The following USP5 variants were observed in gnomAD, a reference collection of about 807,000 sequenced individuals.
USP5 encodes ubiquitin carboxyl-terminal hydrolase 5.
Under a neutral mutation model 102.5 loss-of-function variants are expected in USP5, and 24 were observed. That is an observed-to-expected ratio of 0.23 (90% CI 0.17 to 0.33). The LOEUF (loss-of-function observed/expected upper bound fraction) is 0.33, where lower values mean the gene tolerates loss of function less well. USP5 is among the 10% of genes least tolerant of loss of function. USP5 has a pLI of 1.00. For missense variants in USP5, 753 were observed against 1,122.1 expected (o/e 0.67, Z 4.70); for synonymous variants, 460 against 434.8 (o/e 1.06, Z -0.72).
In USP5 at chr12:6,863,858, C is replaced by T. The variant is rs370840242; in HGVS notation, c.1983C>T (p.Ile661=). 7 of 1,607,244 alleles carry T rather than the reference C, an allele frequency of 4.4e-6. No homozygotes were observed. In the African/African-American group the frequency reaches 8.0e-5, roughly 18 times the overall value. ...TSPMLDESVI[I]QLVEMGFPMD... The stretch of plus-strand genomic sequence containing the variant: ...CCATGCTGGATGAATCAGTCATCAT[C>T]CAGCTGGTGGAGATGGGATTCCCTA... Residue 661 remains isoleucine, a synonymous_variant, in exon 16 of 20, where the codon ATC becomes ATT. Coordinates refer to ENST00000229268, the MANE Select transcript of USP5 (RefSeq NM_001098536.2). The surrounding 1 kb of genome is among the most constrained non-coding windows in gnomAD (Gnocchi z 4.7).
intron 1 of USP5, among the ~76,000 whole-genome samples, chr12:6,854,518 G>T (rs1232341354): frequency 9.2e-5 from 14 of 151,966 alleles, no homozygotes; most frequent in African/African-American, 3.4e-4. Context: ...ACTTTGGGAG[G>T]CCAAGGTGGA....
In USP5 at chr12:6,866,132, G is replaced by A; in HGVS notation, c.*55G>A. The A allele has an allele frequency of 1.3e-6, 2 of 1,495,800 alleles. No homozygotes were observed. The highest frequency in any genetic ancestry group is 1.1e-5 in the South Asian group (1 of 88,670). 92.7% of individuals were successfully genotyped at this position (1,495,800 alleles called of 1,614,324 possible). ...CAGGGGAAGACCACCTGGCATGAGG[G>A]AGAGGGGCTGAGGGATGGACTTCAG... On this transcript the variant is annotated 3_prime_UTR_variant, in exon 20 of 20. Coordinates refer to ENST00000229268, the MANE Select transcript of USP5 (RefSeq NM_001098536.2). This position sits in a 1 kb window ranked among gnomAD's most constrained non-coding sequence, Gnocchi z 4.7.
chr12:6,865,341 G>A, intron 19 of USP5, 93 bp downstream of exon 19: 3 of 1,165,846 alleles, frequency 2.6e-6, no homozygotes, highest in African/African-American at 1.5e-5. Flanking sequence ...GGGAGAAGGT[G>A]AAGGGACTGC....
At position 6,858,573 on chromosome 12, in the gene USP5, C is replaced by T; in HGVS notation, c.1014C>T (p.Asn338=). The change falls in exon 8 of 20, where the codon AAC becomes AAT. Residue 338 remains asparagine (N), a synonymous_variant. Coordinates refer to ENST00000229268, the MANE Select transcript of USP5 (RefSeq NM_001098536.2). The surrounding 1 kb of genome is among the most constrained non-coding windows in gnomAD (Gnocchi z 4.2). ...IRNLGNSCYL[N]SVVQVLFSIP... Reference sequence around the variant, plus strand: ...ACCTGGGTAACAGCTGCTACCTCAACTCTGTGGTCCAGGTGCTCTTCAGCA... The same window carrying T: ...ACCTGGGTAACAGCTGCTACCTCAATTCTGTGGTCCAGGTGCTCTTCAGCA... The T allele has an allele frequency of 6.2e-7, 1 of 1,613,126 alleles. No homozygotes were observed. The highest frequency in any genetic ancestry group is 8.5e-7 in the Non-Finnish European group (1 of 1,179,102).
In USP5 at chr12:6,852,160, G is replaced by C. The variant is rs1161530594; in HGVS notation, c.-20G>C. The C allele has an allele frequency of 1.9e-6, 3 of 1,602,062 alleles. No homozygotes were observed. Among genetic ancestry groups the C allele is most frequent in the Non-Finnish European group, 2.6e-6 (3 of 1,174,988 alleles). ...GGAACGGTGGGAGCCGCCGTGTGTG[G>C]AGAAGCTGCTGCCGGTGTCATGGCG... On this transcript the variant is annotated 5_prime_UTR_variant, in exon 1 of 20. Coordinates refer to ENST00000229268, the MANE Select transcript of USP5 (RefSeq NM_001098536.2).
Position 6,856,042 on chromosome 12 carries a change from CGAG to C in USP5, c.334_336del (p.Glu112del), listed in dbSNP as rs1555128150. ...GTGTTGAAGGCGGATTTGACCTTAG[CGAG>C]GAGAAGTTTGAATTAGACGAGGATG... is the stretch of plus-strand genomic sequence containing the variant. On this transcript the variant is annotated inframe_deletion, in exon 4 of 20. Transcript: ENST00000229268. This position sits in a 1 kb window ranked among gnomAD's most constrained non-coding sequence, Gnocchi z 5.6. The C allele has an allele frequency of 3.1e-6, 5 of 1,614,086 alleles. No homozygotes were observed. The highest frequency in any genetic ancestry group is 1.7e-6 in the Non-Finnish European group (2 of 1,180,026).
In USP5 at chr12:6,856,611, C is replaced by T; in HGVS notation, c.585-96C>T. The T allele has an allele frequency of 6.4e-7, 1 of 1,557,936 alleles. No homozygotes were observed. The highest frequency in any genetic ancestry group is 8.7e-7 in the Non-Finnish European group (1 of 1,152,544). On this transcript the variant is annotated intron_variant, in intron 5 of 19. Transcript: ENST00000229268. This position sits in a 1 kb window ranked among gnomAD's most constrained non-coding sequence, Gnocchi z 5.6. ...ATGGCCAGAGGAGAAGAGAGAGAGACCTTGGATTGGCGGGGGGCCTGCAGA... is the reference window on the plus strand; with the variant it reads ...ATGGCCAGAGGAGAAGAGAGAGAGATCTTGGATTGGCGGGGGGCCTGCAGA...
chr12:6,860,933 A>G lies in USP5; in HGVS notation c.1345-20A>G, dbSNP rs782400940. 1 of 1,612,610 alleles carries G rather than the reference A, an allele frequency of 6.2e-7. No individual in the cohort carries two copies. Among genetic ancestry groups the G allele is most frequent in the Non-Finnish European group, 8.5e-7 (1 of 1,179,664 alleles). On this transcript the variant is annotated intron_variant, in intron 11 of 19. Transcript: ENST00000229268. The surrounding 1 kb of genome is among the most constrained non-coding windows in gnomAD (Gnocchi z 5.5). ...GTTCCCTGGCTGCCCAGACCTCCCTACCCTGCCTCTTTCCCATAGAGGAAT... is the reference window on the plus strand; with the variant it reads ...GTTCCCTGGCTGCCCAGACCTCCCTGCCCTGCCTCTTTCCCATAGAGGAAT...
intron 13 of USP5, 42 bp from the exon 14 acceptor site, chr12:6,862,428 C>G: frequency 1.3e-6 from 2 of 1,582,198 alleles, no homozygotes; most frequent in Non-Finnish European, 1.7e-6. Flanking sequence ...AGAGGAAAAC[C>G]CTGGGGATTG....
At chr12:6,857,100 A>G (rs1944139105) in intron 6 of USP5, among the ~76,000 whole-genome samples, 1 of 152,164 alleles carries the variant, frequency 6.6e-6, no homozygotes, top group South Asian at 2.1e-4. Context: ...AGCCTGGGCA[A>G]CATAGTGAGA....
At chr12:6,852,761 G>A (rs1943967761) in intron 1 of USP5, among the ~76,000 whole-genome samples, 1 of 152,178 alleles carries the variant, frequency 6.6e-6, no homozygotes, top group African/African-American at 2.4e-5. Context: ...TAATAGTCTG[G>A]GAGTGGACTC....
rs1351638985 is a variant in USP5, at chr12:6,862,357, ATCT to A, written c.1674-109_1674-107del. ...CCAGGGGAAGAGAAGAATATGGAGG[ATCT>A]TCTGGGTTATTGGGACTTCTACCCA... is the stretch of plus-strand genomic sequence containing the variant. On this transcript the variant is annotated intron_variant, in intron 13 of 19. Transcript: ENST00000229268. The A allele has an allele frequency of 1.2e-5, 11 of 905,118 alleles. No homozygotes were observed. The African/African-American group carries it at 1.8e-4, about 15-fold the overall frequency. 56.1% of individuals were successfully genotyped at this position (905,118 alleles called of 1,614,324 possible).
Position 6,852,263 on chromosome 12 carries a change from C to T in USP5, c.84C>T (p.Asp28=), listed in dbSNP as rs925758808. Residue 28 remains aspartate, a synonymous_variant, in exon 1 of 20, where the codon GAC becomes GAT. Coordinates refer to ENST00000229268, the MANE Select transcript of USP5 (RefSeq NM_001098536.2). ...AGGCTGGAGACCGGGTCCACAAAGA[C>T]GAGTGCGCCTTCTCCTTCGACACGC... ...VPKAGDRVHK[D]ECAFSFDTPE... is the part of the protein sequence containing the mutation. 6.8e-6 allele frequency: 11 copies of T among 1,612,260 alleles called. No individual in the cohort carries two copies. The highest frequency in any genetic ancestry group is 9.3e-6 in the Non-Finnish European group (11 of 1,179,424).
Position 6,864,682 on chromosome 12 carries a change from C to A in USP5, c.2245-40C>A. ...CCAGCCTGGGCGACAGAGCAAGACT[C>A]CGTCTCAAGAAAAAAAGTAATGCTT... is the stretch of plus-strand genomic sequence containing the variant. On this transcript the variant is annotated intron_variant, in intron 17 of 19. Coordinates refer to ENST00000229268, the MANE Select transcript of USP5 (RefSeq NM_001098536.2). The surrounding 1 kb of genome is among the most constrained non-coding windows in gnomAD (Gnocchi z 4.8). 1.9e-6 allele frequency: 3 copies of A among 1,582,316 alleles called. No individual in the cohort carries two copies. The highest frequency in any genetic ancestry group is 2.6e-6 in the Non-Finnish European group (3 of 1,168,346).
Position 6,858,843 on chromosome 12 carries a change from A to C in USP5, c.1058+226A>C. On this transcript the variant is annotated intron_variant, in intron 8 of 19. Coordinates refer to ENST00000229268, the MANE Select transcript of USP5 (RefSeq NM_001098536.2). The surrounding 1 kb of genome is among the most constrained non-coding windows in gnomAD (Gnocchi z 4.2). ...AGACCAGCCTGGGCAACATAGCGAG[A>C]CCCTGTCTTCTCTTAAAAAAAAAAA... 2.3e-6 allele frequency: 1 copy of C among 431,958 alleles called. No homozygotes were observed. Among genetic ancestry groups the C allele is most frequent in the Non-Finnish European group, 4.2e-6 (1 of 238,790 alleles). The allele number at this position is 431,958 out of a possible 1,614,324, so 26.8% of individuals were successfully genotyped here.
chr12:6,861,402 C>G lies in USP5; in HGVS notation c.1499-41C>G, dbSNP rs1944272867. On this transcript the variant is annotated intron_variant, in intron 12 of 19. Coordinates refer to ENST00000229268, the MANE Select transcript of USP5 (RefSeq NM_001098536.2). This position sits in a 1 kb window ranked among gnomAD's most constrained non-coding sequence, Gnocchi z 4.9. ...GGGAGAGGCTAAGGAGGCAAAGAAG[C>G]AGCACCCTCCGAAGGATCCACCAAC... is the stretch of plus-strand genomic sequence containing the variant. 6.6e-7 allele frequency: 1 copy of G among 1,526,584 alleles called. No homozygotes were observed. The highest frequency in any genetic ancestry group is 1.4e-5 in the African/African-American group (1 of 72,368). 94.6% of individuals were successfully genotyped at this position (1,526,584 alleles called of 1,614,324 possible). A position where few individuals can be genotyped will look rare whatever the true frequency, so the allele number is the denominator to read the frequency against.
chr12:6,862,082 G>GT (rs200867324), intron 13 of USP5, among the ~76,000 whole-genome samples: 5,536 of 142,734 alleles, frequency 0.039, 259 homozygotes, highest in African/African-American at 0.094. Flanking sequence ...CTCTGTGTGG[G>GT]TTTTTTTTTT....
intron 9 of USP5, 82 bp downstream of exon 9, chr12:6,859,623 CA>C: frequency 7.3e-7 from 1 of 1,366,422 alleles, no homozygotes; most frequent in East Asian, 2.3e-5. Flanking sequence ...CTGGGGGGCA[CA>C]GCACTTTAAC....
At chr12:6,857,589 G>A (rs1188499480) in intron 6 of USP5, 40 bp from the exon 7 acceptor site, 2 of 1,583,702 alleles carry the variant, frequency 1.3e-6, no homozygotes, top group Non-Finnish European at 1.7e-6. Context: ...GGCTAGTCCT[G>A]AGCCACTTCC....
Sources: gnomAD v4.1 joint callset for allele counts (sites outside exome capture counted in the v4.1 genomes callset) on GRCh38, gnomAD v4.1.1 for gene constraint, Gnocchi (gnomAD v3.1) non-coding constraint, MANE v1.5 for transcripts, NCBI Gene and HGNC (gene_info 2026-07-23, HGNC 2026-07-21) for gene names.